Variants in RAP1A observed in about 807,000 individuals in gnomAD.
RAP1A encodes the protein RAP1A, member of RAS oncogene family, also known as ras-related protein Rap-1A.
A neutral mutation model predicts 26.4 loss-of-function variants in RAP1A; 6 were observed. The ratio of observed to expected loss-of-function variants is 0.23; its 90% confidence interval spans 0.12 to 0.45. RAP1A has a LOEUF of 0.45. RAP1A is among the 20% of genes least tolerant of loss of function. RAP1A has a pLI of 0.99. For missense variants in RAP1A, 121 were observed against 217.2 expected, an observed-to-expected ratio of 0.56 and a Z score of 2.78; for synonymous variants, 73 against 79.4, an observed-to-expected ratio of 0.92 and a Z score of 0.43.
intron 1 of RAP1A, among the ~76,000 whole-genome samples, chr1:111,562,070 T>A (rs1657763343): frequency 6.6e-6 from 1 of 152,174 alleles, no homozygotes; most frequent in Non-Finnish European, 1.5e-5. Context: ...CACCCCACCC[T>A]GTGATTCAAT....
chr1:111,674,521 A>G (rs867609030), intron 1 of RAP1A, among the ~76,000 whole-genome samples: 32 of 152,208 alleles, frequency 2.1e-4, no homozygotes, highest in Admixed American at 2.1e-3. Context: ...CCTCTAGTCC[A>G]TTGGTTTCTA....
rs1448327589 is a variant in RAP1A at position 111,564,536 on chromosome 1, G to A, written c.-28+22027G>A. Among the ~76,000 whole-genome samples the A allele has an allele frequency of 1.2e-4, 16 of 135,236 alleles. No homozygotes were observed. The South Asian group carries it at 1.9e-3, about 16-fold the overall frequency. The allele number at this position is 135,236 out of a possible 152,430, so 88.7% of individuals were successfully genotyped here. ...TCTTTTTTTTTTTTTTTTTTGAGAC[G>A]GAGTCTCACTCTGTTGCCCAGGCTA... On this transcript the variant is annotated intron_variant, in intron 1 of 7. Transcript: ENST00000356415.
At chr1:111,702,517 C>T (rs1172149780) in intron 4 of RAP1A, among the ~76,000 whole-genome samples, 1 of 151,400 alleles carries the variant, frequency 6.6e-6, no homozygotes, top group Non-Finnish European at 1.5e-5. Context: ...ATTCTCACAT[C>T]TTTTCTAAAG....
chr1:111,662,000 T>A (rs1043881568), intron 1 of RAP1A, among the ~76,000 whole-genome samples: 1 of 152,124 alleles, frequency 6.6e-6, no homozygotes, highest in Non-Finnish European at 1.5e-5. Context: ...CAATTATTAT[T>A]TAATGGTCAC....
chr1:111,637,410 T>C (rs891436042), intron 1 of RAP1A, among the ~76,000 whole-genome samples: 1 of 152,206 alleles, frequency 6.6e-6, no homozygotes, highest in East Asian at 1.9e-4. Flanking sequence ...GCCACAGATA[T>C]AACTGTATAT....
intron 1 of RAP1A, chr1:111,602,286 T>A (rs1458553763): frequency 1.3e-5 from 2 of 152,164 alleles, no homozygotes. Context: ...AGAAAGAGGA[T>A]TTTGGAGTCA....
chr1:111,689,605 C>A (rs570867354), intron 1 of RAP1A, among the ~76,000 whole-genome samples: 3 of 152,080 alleles, frequency 2.0e-5, no homozygotes, highest in South Asian at 4.1e-4. Context: ...GTTTTAGAGT[C>A]CTCATTGGCT....
At chr1:111,711,325 T>A (rs1013503237) in intron 7 of RAP1A, among the ~76,000 whole-genome samples, 1 of 152,218 alleles carries the variant, frequency 6.6e-6, no homozygotes, top group South Asian at 2.1e-4. Flanking sequence ...TGGCTGGCCC[T>A]AATTTAATTT....
At chr1:111,603,726 A>G (rs1049741640) in intron 1 of RAP1A, among the ~76,000 whole-genome samples, 1 of 152,218 alleles carries the variant, frequency 6.6e-6, no homozygotes, top group Non-Finnish European at 1.5e-5. Context: ...AAAATGACGA[A>G]CATCTTTTAG....
intron 1 of RAP1A, among the ~76,000 whole-genome samples, chr1:111,643,433 G>C (rs1351752698): frequency 6.6e-6 from 1 of 152,166 alleles, no homozygotes; most frequent in African/African-American, 2.4e-5. Context: ...ACTCTAGAAA[G>C]TTAATTTTTT....
intron 1 of RAP1A, among the ~76,000 whole-genome samples, chr1:111,552,483 G>A (rs577857700): frequency 1.3e-5 from 2 of 152,266 alleles, no homozygotes; most frequent in South Asian, 2.1e-4. Flanking sequence ...TGGCAAATTT[G>A]TAGTTGCTTT....
At chr1:111,629,061 ATTC>A (rs1159953825) in intron 1 of RAP1A, among the ~76,000 whole-genome samples, 2 of 152,116 alleles carry the variant, frequency 1.3e-5, no homozygotes, top group African/African-American at 2.4e-5. Context: ...GTAAGGTGAA[ATTC>A]TTCTGCATGT....
chr1:111,565,348 G>T (rs1253275673), intron 1 of RAP1A, among the ~76,000 whole-genome samples: 2 of 152,162 alleles, frequency 1.3e-5, no homozygotes, highest in African/African-American at 4.8e-5. Context: ...ATTATTTTAG[G>T]CCAGAATTGT....
chr1:111,648,817 A>G, intron 1 of RAP1A: 3 of 684,802 alleles, frequency 4.4e-6, no homozygotes, highest in East Asian at 5.6e-5. Flanking sequence ...AGCTCATTGT[A>G]TTGGGCCGAG....
chr1:111,553,124 A>G (rs1217822623), intron 1 of RAP1A, among the ~76,000 whole-genome samples: 2 of 152,174 alleles, frequency 1.3e-5, no homozygotes, highest in African/African-American at 4.8e-5. Context: ...GTTTCTTCCC[A>G]TCTTGTAAGC....
At chr1:111,659,533 A>G (rs1308246314) in intron 1 of RAP1A, among the ~76,000 whole-genome samples, 1 of 136,856 alleles carries the variant, frequency 7.3e-6, no homozygotes, top group Non-Finnish European at 1.6e-5. Context: ...TTCTCTTATT[A>G]TTATACCTTA....
At chr1:111,690,904 G>A (rs1378188695) in intron 1 of RAP1A, among the ~76,000 whole-genome samples, 2 of 152,094 alleles carry the variant, frequency 1.3e-5, no homozygotes, top group African/African-American at 4.8e-5. Context: ...AAATAGTATA[G>A]AATTACTGTA....
At chr1:111,688,429 C>T (rs1215443652) in intron 1 of RAP1A, among the ~76,000 whole-genome samples, 2 of 151,152 alleles carry the variant, frequency 1.3e-5, no homozygotes, top group Non-Finnish European at 2.9e-5. Context: ...AAGCGATTCT[C>T]CTGCTTCCGC....
chr1:111,615,693 T>G (rs974885477), upstream of RAP1A, among the ~76,000 whole-genome samples: 1 of 151,962 alleles, frequency 6.6e-6, no homozygotes, highest in Non-Finnish European at 1.5e-5. Context: ...TAGCTGGCCG[T>G]GGTGGCCTGT....
Sources: allele counts gnomAD v4.1 joint callset (sites outside exome capture counted in the v4.1 genomes callset), GRCh38; gene constraint gnomAD v4.1.1; transcripts MANE v1.5; gene names NCBI Gene and HGNC (gene_info 2026-07-23, HGNC 2026-07-21).